TTBK2: variants seen among roughly 807,000 people sequenced by gnomAD.
TTBK2 encodes the protein tau tubulin kinase 2.
In TTBK2, 28 loss-of-function variants were observed where a neutral mutation model predicts 110.8. The observed-to-expected ratio is 0.25, with a 90% CI of 0.19 to 0.35. The LOEUF (loss-of-function observed/expected upper bound fraction) is 0.35. Among genes scored for constraint, TTBK2 ranks in the 10% least tolerant of loss-of-function variants. The pLI is 1.00. For synonymous variants in TTBK2, 532 were observed against 527.3 expected, an observed-to-expected ratio of 1.01 and a Z score of -0.12; for missense variants, 1,369 against 1,500.3, an observed-to-expected ratio of 0.91 and a Z score of 1.45.
At chr15:42,791,858 T>A (rs993799690) in intron 10 of TTBK2, among the ~76,000 whole-genome samples, 1 of 152,178 alleles carries the variant, frequency 6.6e-6, no homozygotes, top group African/African-American at 2.4e-5. Context: ...ATAGCTTGTG[T>A]AGGCTGGGCG....
At chr15:42,880,805 A>T (rs1029398213) in intron 1 of TTBK2, among the ~76,000 whole-genome samples, 1 of 152,220 alleles carries the variant, frequency 6.6e-6, no homozygotes, top group Non-Finnish European at 1.5e-5. Context: ...AATGTTCAAG[A>T]GACAAAAATT....
At position 42,878,531 on chromosome 15, in the gene TTBK2, T is replaced by C. The variant is rs768187790; in HGVS notation, c.69+18A>G. 6 of 1,591,772 alleles carry C rather than the reference T, an allele frequency of 3.8e-6. No homozygotes were observed. Among genetic ancestry groups the C allele is most frequent in the Non-Finnish European group, 5.1e-6 (6 of 1,172,792 alleles). On this transcript the variant is annotated intron_variant, in intron 2 of 14. Coordinates refer to ENST00000267890, the MANE Select transcript of TTBK2 (RefSeq NM_173500.4). The stretch of plus-strand genomic sequence containing the variant: ...CACACACACACACACACACACACTC[T>C]CTGAGATGTACACTCACCACTTTCC...
intron 1 of TTBK2, among the ~76,000 whole-genome samples, chr15:42,893,024 A>AAAAG (rs1035018581): frequency 2.0e-5 from 3 of 151,498 alleles, no homozygotes; most frequent in Non-Finnish European, 1.5e-5. Flanking sequence ...AAAAAAAAAA[A>AAAAG]AAAGAAAGAA....
In TTBK2 at chr15:42,897,080, T is replaced by C. The variant is rs573171779; in HGVS notation, c.-67-18396A>G. Among the ~76,000 whole-genome samples the C allele has an allele frequency of 4.4e-4, 67 of 152,242 alleles. 1 individual carries two copies. The highest frequency in any genetic ancestry group is 1.4e-3 in the African/African-American group (60 of 41,552). On this transcript the variant is annotated intron_variant, in intron 1 of 14. Transcript: ENST00000267890. ...TTTTAGTAGAGATAGAGTTTCGCCA[T>C]GTTGGCCAGGCTAGTCTTGAACTCT...
chr15:42,919,820 C>A, intron 1 of TTBK2: 1 of 985,408 alleles, frequency 1.0e-6, no homozygotes, highest in Non-Finnish European at 1.2e-6. Context: ...ATCCTGGCAT[C>A]CCAATGGATT....
chr15:42,855,189 T>C (rs1392123477), intron 3 of TTBK2: 1 of 152,234 alleles, frequency 6.6e-6, no homozygotes, highest in Non-Finnish European at 1.5e-5. Flanking sequence ...GTGATTCTCC[T>C]GCCTCAGCCT....
intron 1 of TTBK2, among the ~76,000 whole-genome samples, chr15:42,916,097 TA>T (rs2031073938): frequency 6.6e-6 from 1 of 152,218 alleles, no homozygotes; most frequent in Non-Finnish European, 1.5e-5. Flanking sequence ...TTAAGGAAGT[TA>T]AAAAGAGAAC....
intron 13 of TTBK2, among the ~76,000 whole-genome samples, chr15:42,755,168 A>G (rs753529426): frequency 1.3e-5 from 2 of 152,172 alleles, no homozygotes; most frequent in African/African-American, 4.8e-5. Flanking sequence ...CACGTCACCT[A>G]AAGTGACATG....
At chr15:42,866,547 A>C (rs1894379720) in intron 3 of TTBK2, among the ~76,000 whole-genome samples, 1 of 152,196 alleles carries the variant, frequency 6.6e-6, no homozygotes, top group Non-Finnish European at 1.5e-5. Context: ...TGAACTAAAC[A>C]ATATCATCAA....
chr15:42,863,068 G>A (rs1216658074), intron 3 of TTBK2, among the ~76,000 whole-genome samples: 2 of 151,992 alleles, frequency 1.3e-5, no homozygotes, highest in Admixed American at 6.6e-5. Flanking sequence ...CCAGCAAGAG[G>A]AATCAGGCAA....
At chr15:42,819,757 A>T (rs1595947307) in intron 6 of TTBK2, among the ~76,000 whole-genome samples, 1 of 152,346 alleles carries the variant, frequency 6.6e-6, no homozygotes, top group Admixed American at 6.5e-5. Flanking sequence ...AAAATTGTCT[A>T]AGAGAATATA....
chr15:42,815,140 G>GT (rs1891887120), intron 7 of TTBK2, among the ~76,000 whole-genome samples: 1 of 151,630 alleles, frequency 6.6e-6, no homozygotes. Context: ...CTAAACTTTT[G>GT]TAAGAATCTA....
At chr15:42,825,382 T>C (rs1450049422) in intron 6 of TTBK2, among the ~76,000 whole-genome samples, 3 of 152,160 alleles carry the variant, frequency 2.0e-5, no homozygotes, top group African/African-American at 7.2e-5. Context: ...GGTAATATGA[T>C]AGCCACTTAA....
At chr15:42,866,621 A>G (rs1226509258) in intron 3 of TTBK2, among the ~76,000 whole-genome samples, 3 of 152,232 alleles carry the variant, frequency 2.0e-5, no homozygotes, top group Non-Finnish European at 4.4e-5. Flanking sequence ...ACACATTCTC[A>G]TGCTCACACA....
intron 1 of TTBK2, among the ~76,000 whole-genome samples, chr15:42,881,346 C>A (rs72713802): frequency 0.055 from 4,382 of 79,854 alleles, 81 homozygotes; most frequent in Middle Eastern, 0.082. Context: ...ACTCAAATTT[C>A]AAAAAAAAAA....
chr15:42,892,690 G>C (rs1895504745), intron 1 of TTBK2, among the ~76,000 whole-genome samples: 1 of 112,146 alleles, frequency 8.9e-6, no homozygotes, highest in African/African-American at 3.5e-5. Flanking sequence ...GGATGACAGA[G>C]CAAGACCCTG....
intron 10 of TTBK2, among the ~76,000 whole-genome samples, chr15:42,792,399 A>G (rs1890729581): frequency 1.3e-5 from 2 of 152,160 alleles, no homozygotes; most frequent in South Asian, 2.1e-4. Context: ...ACTGGACCCA[A>G]ATTGATACAT....
chr15:42,841,766 T>A (rs907029401), intron 3 of TTBK2, among the ~76,000 whole-genome samples: 13 of 152,188 alleles, frequency 8.5e-5, no homozygotes, highest in Middle Eastern at 3.4e-3. Context: ...TGACCAATAT[T>A]AAAGATGTAG....
chr15:42,745,851 C>T lies in TTBK2; in HGVS notation c.3679G>A (p.Ala1227Thr). 6.2e-7 allele frequency: 1 copy of T among 1,614,150 alleles called. No individual in the cohort carries two copies. Among genetic ancestry groups the T allele is most frequent in the Middle Eastern group, 1.7e-4 (1 of 6,060 alleles). The change falls in exon 15 of 15, where the codon GCC becomes ACC. Residue 1227 changes from alanine to threonine, a missense_variant. Ala to Thr is a moderately conservative substitution (Grantham distance 58, BLOSUM62 0). Around this residue, in one of 4 missense-constraint regions of TTBK2, gnomAD observed 1,097 missense variants for 1,114.7 expected, o/e 0.98. Coordinates refer to ENST00000267890, the MANE Select transcript of TTBK2 (RefSeq NM_173500.4). Reference sequence around the variant, plus strand: ...TTCCCTTGGGGGGTTTTAGTGCTGGCTGAGTGGTGGTGGAGGCTGCCGGAT... The same window carrying T: ...TTCCCTTGGGGGGTTTTAGTGCTGGTTGAGTGGTGGTGGAGGCTGCCGGAT... ...KGSGSLHHHS[A>T]STKTPQGKSK...
Sources: gnomAD v4.1 joint callset for allele counts (sites outside exome capture counted in the v4.1 genomes callset) on GRCh38, gnomAD v4.1.1 for gene constraint, gnomAD v4.1.1 regional missense constraint, MANE v1.5 for transcripts, NCBI Gene and HGNC (gene_info 2026-07-23, HGNC 2026-07-21) for gene names.